The following HYKK variants were observed in gnomAD, a reference collection of about 807,000 sequenced individuals.
HYKK encodes 5-hydroxy-L-lysine kinase.
HYKK carries 19 observed loss-of-function variants against 29.7 expected under a neutral mutation model. The ratio of observed to expected loss-of-function variants is 0.64; its 90% CI spans 0.45 to 0.94. The LOEUF (loss-of-function observed/expected upper bound fraction) is 0.94. HYKK is among the 40% of genes least tolerant of loss of function. HYKK has a pLI of 0.00. For missense variants in HYKK, 390 were observed against 443.4 expected, an observed-to-expected ratio of 0.88 and a Z score of 1.08; for synonymous variants, 152 against 158.1, an observed-to-expected ratio of 0.96 and a Z score of 0.29.
At chr15:78,532,777 G>C (rs565086978) in intron 4 of HYKK, among the ~76,000 whole-genome samples, 149 of 152,322 alleles carry the variant, frequency 9.8e-4, no homozygotes, top group African/African-American at 3.4e-3. Context: ...CTGGGCAACA[G>C]AGTGAGACTC....
rs376654732 is a variant in HYKK, at chr15:78,513,158, G to C, written c.70G>C (p.Ala24Pro). 3.1e-6 allele frequency: 5 copies of C among 1,614,008 alleles called. No homozygotes were observed. The African/African-American group carries it at 4.0e-5, about 13-fold the overall frequency. ...KPTFSEEQAS[A>P]LVESVFGLKV... ...CACTTTCAGTGAGGAACAAGCCTCT[G>C]CGTTAGTGGAGTCAGTGTTTGGGTT... is the stretch of plus-strand genomic sequence containing the variant. The change falls in exon 2 of 5, where the codon GCG becomes CCG. Residue 24 changes from alanine (A) to proline (P), a missense_variant. Physicochemically the swap from Ala to Pro is conservative, Grantham distance 27. Coordinates refer to ENST00000388988, the MANE Select transcript of HYKK (RefSeq NM_001013619.4).
Position 78,513,405 on chromosome 15 carries a change from C to T in HYKK, c.317C>T (p.Thr106Ile). ...GTGTGTCACACTAAAGGAGACAACACAGCTTCTCTCGTGTCTGTAGGTAAG... is the reference window on the plus strand; with the variant it reads ...GTGTGTCACACTAAAGGAGACAACATAGCTTCTCTCGTGTCTGTAGGTAAG... ...ASVCHTKGDN[T>I]ASLVSVDSGS... Residue 106 changes from threonine to isoleucine, a missense_variant, in exon 2 of 5, where the codon ACA (threonine) becomes ATA (isoleucine). By Grantham distance (89) the Thr-to-Ile change is moderately conservative. Transcript: ENST00000388988. The T allele has an allele frequency of 6.2e-7, 1 of 1,612,994 alleles. No individual in the cohort carries two copies. The highest frequency in any genetic ancestry group is 8.5e-7 in the Non-Finnish European group (1 of 1,179,456).
chr15:78,528,388 A>T (rs145521429), intron 4 of HYKK: 2 of 983,986 alleles, frequency 2.0e-6, no homozygotes, highest in African/African-American at 3.5e-5. Flanking sequence ...CCTGATGCCA[A>T]AAAGGTTGGG....
intron 2 of HYKK, 60 bp from the exon 3 acceptor site, chr15:78,514,908 C>CTCTCTCTCTCTATATATATATA (rs766004199): frequency 4.2e-5 from 16 of 385,444 alleles, no homozygotes; most frequent in African/African-American, 3.2e-4. Flanking sequence ...CTCTCTCTCT[C>CTCTCTCTCTCTATATATATATA]TATATATATA....
intron 3 of HYKK, among the ~76,000 whole-genome samples, chr15:78,516,537 A>G (rs1339965489): frequency 6.6e-6 from 1 of 151,626 alleles, no homozygotes; most frequent in African/African-American, 2.4e-5. Context: ...TTTTGTAGAG[A>G]TGGGGTTTCA....
At chr15:78,510,080 CTTTCTTTCT>C (rs1038778369) in intron 1 of HYKK, among the ~76,000 whole-genome samples, 197 of 150,266 alleles carry the variant, frequency 1.3e-3, no homozygotes, top group African/African-American at 4.7e-3. Context: ...CTTTTTTTTT[CTTTCTTTCT>C]TTTCTTTCTT....
chr15:78,515,357 GA>G (rs1464480712), intron 3 of HYKK, among the ~76,000 whole-genome samples: 1 of 152,106 alleles, frequency 6.6e-6, no homozygotes, highest in Non-Finnish European at 1.5e-5. Flanking sequence ...TGAGGCAGAG[GA>G]ATCTAACTTG....
chr15:78,515,731 G>A (rs896033305), intron 3 of HYKK, among the ~76,000 whole-genome samples: 2 of 151,996 alleles, frequency 1.3e-5, no homozygotes, highest in Non-Finnish European at 2.9e-5. Context: ...TGGGACTACA[G>A]GTGCCCACCA....
intron 1 of HYKK, among the ~76,000 whole-genome samples, chr15:78,511,813 G>T (rs140618229): frequency 1.3e-5 from 2 of 152,008 alleles, no homozygotes; most frequent in East Asian, 1.9e-4. Context: ...TGGGAGGATC[G>T]CTTGAGACCA....
chr15:78,518,240 T>G (rs957054498), intron 3 of HYKK, among the ~76,000 whole-genome samples: 4 of 152,186 alleles, frequency 2.6e-5, no homozygotes, highest in Admixed American at 2.6e-4. Context: ...CAGACTAGAG[T>G]GCAGTGGCAC....
intron 4 of HYKK, among the ~76,000 whole-genome samples, chr15:78,531,089 C>T (rs1382434516): frequency 2.0e-5 from 3 of 152,100 alleles, no homozygotes; most frequent in Admixed American, 2.0e-4. Context: ...TCTTGAACTC[C>T]TGGCCTCAAG....
intron 4 of HYKK, chr15:78,528,231 G>C (rs1255295292): frequency 6.2e-6 from 1 of 161,548 alleles, no homozygotes; most frequent in Non-Finnish European, 1.3e-5. Context: ...GATTCTCATA[G>C]GAGCACAAAC....
At chr15:78,528,501 C>T in intron 4 of HYKK, 1 of 985,422 alleles carries the variant, frequency 1.0e-6, no homozygotes, top group Non-Finnish European at 1.2e-6. Flanking sequence ...GCATTAAGTA[C>T]TGGTCAAAGG....
chr15:78,523,033 G>C (rs1221397156), intron 3 of HYKK, among the ~76,000 whole-genome samples: 1 of 152,198 alleles, frequency 6.6e-6, no homozygotes, highest in Non-Finnish European at 1.5e-5. Flanking sequence ...GGCAGAGGCA[G>C]ATTTTAACTG....
chr15:78,518,088 C>T (rs1406205269), intron 3 of HYKK, among the ~76,000 whole-genome samples: 1 of 152,262 alleles, frequency 6.6e-6, no homozygotes, highest in Non-Finnish European at 1.5e-5. Context: ...AACTCTACCT[C>T]CTCAACTCAG....
Position 78,513,185 on chromosome 15 carries a change from A to G in HYKK, c.97A>G (p.Lys33Glu), listed in dbSNP as rs376137726. ...GTTAGTGGAGTCAGTGTTTGGGTTG[A>G]AAGTTTCCAAGGTCCGGCCACTTCC... is the stretch of plus-strand genomic sequence containing the variant. ...SALVESVFGLKVSKVRPLPSY... is the reference protein window; with the variant it reads ...SALVESVFGLEVSKVRPLPSY... The change falls in exon 2 of 5, where the codon AAA becomes GAA. Residue 33 changes from lysine (K) to glutamate (E), a missense_variant. Physicochemically the swap from Lys to Glu is moderately conservative, Grantham distance 56. Transcript: ENST00000388988. 1 of 1,614,198 alleles carries G rather than the reference A, an allele frequency of 6.2e-7. No individual in the cohort carries two copies. Among genetic ancestry groups the G allele is most frequent in the East Asian group, 2.2e-5 (1 of 44,890 alleles).
At chr15:78,528,741 G>T (rs973662806) in intron 4 of HYKK, 2 of 448,884 alleles carry the variant, frequency 4.5e-6, no homozygotes, top group Non-Finnish European at 5.9e-6. Context: ...GGTGGAGGTT[G>T]CAGTGGGCCT....
At chr15:78,532,544 C>G (rs1056701374) in intron 4 of HYKK, among the ~76,000 whole-genome samples, 1 of 152,296 alleles carries the variant, frequency 6.6e-6, no homozygotes, top group East Asian at 1.9e-4. Context: ...CCTGTAATCC[C>G]AGCACTTTGG....
At chr15:78,524,453 A>G (rs1394685888) in intron 3 of HYKK, among the ~76,000 whole-genome samples, 1 of 152,192 alleles carries the variant, frequency 6.6e-6, no homozygotes, top group African/African-American at 2.4e-5. Context: ...CCACAAAACC[A>G]TCTTGTCCTC....
Sources: allele counts gnomAD v4.1 joint callset (sites outside exome capture counted in the v4.1 genomes callset), GRCh38; gene constraint gnomAD v4.1.1; transcripts MANE v1.5; gene names NCBI Gene and HGNC (gene_info 2026-07-23, HGNC 2026-07-21).